DENND1B: variants seen among roughly 807,000 people sequenced by gnomAD.
DENND1B encodes DENN domain containing 1B.
A neutral mutation model predicts 90.1 loss-of-function variants in DENND1B; 59 were observed. The observed-to-expected ratio is 0.65, with a 90% CI of 0.53 to 0.81. The LOEUF is 0.81. Ranked by LOEUF, DENND1B falls within the 40% of genes least tolerant of loss-of-function variation. The pLI, the probability that DENND1B is intolerant of heterozygous loss-of-function variation, is 0.00. For missense variants in DENND1B, 862 were observed against 912.6 expected (o/e 0.94, Z 0.71); for synonymous variants, 337 against 324.6 (o/e 1.04, Z -0.41).
chr1:197,768,370 T>C (rs1364103356), intron 2 of DENND1B, among the ~76,000 whole-genome samples: 1 of 152,168 alleles, frequency 6.6e-6, no homozygotes, highest in Non-Finnish European at 1.5e-5. Context: ...AGAAGAGAAA[T>C]GCTTAGAGGC....
At chr1:197,571,512 G>T (rs776732384) in intron 15 of DENND1B, among the ~76,000 whole-genome samples, 15 of 152,104 alleles carry the variant, frequency 9.9e-5, no homozygotes, top group Non-Finnish European at 2.2e-4. Flanking sequence ...TTTAGACGTA[G>T]CTTAAATATC....
At chr1:197,584,779 C>T (rs1674550452) in intron 14 of DENND1B, among the ~76,000 whole-genome samples, 1 of 151,908 alleles carries the variant, frequency 6.6e-6, no homozygotes, top group Admixed American at 6.6e-5. Context: ...TCAGGTGATC[C>T]TCCCACCTCA....
At chr1:197,562,068 C>T (rs1672214313) in intron 15 of DENND1B, among the ~76,000 whole-genome samples, 1 of 151,780 alleles carries the variant, frequency 6.6e-6, no homozygotes, top group Non-Finnish European at 1.5e-5. Flanking sequence ...GTAATCCTAC[C>T]CTCACCTCTG....
intron 18 of DENND1B, 109 bp downstream of exon 18, chr1:197,545,813 A>T (rs974211733): frequency 2.7e-5 from 25 of 917,286 alleles, no homozygotes; most frequent in Non-Finnish European, 3.9e-5. Context: ...ATTTTTTTTT[A>T]GGTTTATTTA....
chr1:197,613,051 T>A (rs1677318484), intron 11 of DENND1B, among the ~76,000 whole-genome samples: 1 of 150,868 alleles, frequency 6.6e-6, no homozygotes, highest in Non-Finnish European at 1.5e-5. Context: ...CTTTGTGCTC[T>A]ATTATGACAC....
chr1:197,558,011 T>C (rs560573907), intron 15 of DENND1B, among the ~76,000 whole-genome samples: 1 of 151,986 alleles, frequency 6.6e-6, no homozygotes, highest in Non-Finnish European at 1.5e-5. Context: ...CTACAGGTAA[T>C]TGGAAGACAT....
At chr1:197,746,506 T>C (rs1176957343) in intron 2 of DENND1B, among the ~76,000 whole-genome samples, 1 of 152,166 alleles carries the variant, frequency 6.6e-6, no homozygotes, top group African/African-American at 2.4e-5. Flanking sequence ...CAAAATTCTA[T>C]CCTATTTTTC....
chr1:197,678,686 A>G (rs1656337198), intron 3 of DENND1B, among the ~76,000 whole-genome samples: 1 of 152,198 alleles, frequency 6.6e-6, no homozygotes, highest in Non-Finnish European at 1.5e-5. Flanking sequence ...AATGCATTTT[A>G]TAGGGAGAAT....
upstream of DENND1B, among the ~76,000 whole-genome samples, chr1:197,777,547 A>G (rs1657329793): frequency 6.6e-6 from 1 of 152,202 alleles, no homozygotes; most frequent in Non-Finnish European, 1.5e-5. Flanking sequence ...TTACCTTGGT[A>G]ATAGCTTTAA....
intron 20 of DENND1B, among the ~76,000 whole-genome samples, chr1:197,516,334 T>C (rs1221187431): frequency 6.6e-6 from 1 of 151,812 alleles, no homozygotes; most frequent in Non-Finnish European, 1.5e-5. Context: ...GAACTGCAGT[T>C]TATATATAAG....
chr1:197,730,218 T>C (rs1169567304), intron 2 of DENND1B, among the ~76,000 whole-genome samples: 1 of 152,122 alleles, frequency 6.6e-6, no homozygotes, highest in African/African-American at 2.4e-5. Flanking sequence ...ATAGTCCCTT[T>C]TTACAGGTAG....
intron 2 of DENND1B, among the ~76,000 whole-genome samples, chr1:197,739,448 A>T (rs1364754204): frequency 1.3e-5 from 2 of 152,226 alleles, no homozygotes; most frequent in African/African-American, 4.8e-5. Context: ...TATTCTCTGG[A>T]ATTACATTAT....
At chr1:197,622,336 A>C (rs567208718) in intron 10 of DENND1B, among the ~76,000 whole-genome samples, 44 of 151,516 alleles carry the variant, frequency 2.9e-4, no homozygotes, top group African/African-American at 8.7e-4. Flanking sequence ...GACAAAGTTC[A>C]ACCAACTGCC....
chr1:197,538,656 ATTTTTT>A (rs67761711), intron 20 of DENND1B, among the ~76,000 whole-genome samples: 11 of 105,882 alleles, frequency 1.0e-4, no homozygotes, highest in Non-Finnish European at 1.1e-4. Flanking sequence ...AATTAATGGG[ATTTTTT>A]TTTTTTTTTT....
intron 16 of DENND1B, among the ~76,000 whole-genome samples, chr1:197,550,251 G>C (rs1207492642): frequency 6.6e-6 from 1 of 152,062 alleles, no homozygotes; most frequent in Non-Finnish European, 1.5e-5. Flanking sequence ...AAAGGGTTAA[G>C]TATTACTCTT....
At chr1:197,553,215 C>T (rs890835189) in intron 15 of DENND1B, 103 bp from the exon 16 acceptor site, 3 of 860,484 alleles carry the variant, frequency 3.5e-6, no homozygotes, top group Admixed American at 3.5e-5. Flanking sequence ...ACATCAAAAA[C>T]ATTAATAACA....
intron 13 of DENND1B, among the ~76,000 whole-genome samples, chr1:197,604,394 A>G (rs1221141186): frequency 6.6e-6 from 1 of 151,260 alleles, no homozygotes; most frequent in Non-Finnish European, 1.5e-5. Flanking sequence ...TAGTATTTCT[A>G]ACAGTCAATA....
chr1:197,573,841 T>C lies in DENND1B; in HGVS notation c.1149+9311A>G, dbSNP rs528400079. Among the ~76,000 whole-genome samples, 4 of 152,166 alleles carry C rather than the reference T, an allele frequency of 2.6e-5. No homozygotes were observed. The South Asian group carries it at 8.3e-4, about 32-fold the overall frequency. On this transcript the variant is annotated intron_variant, in intron 15 of 22. Coordinates refer to ENST00000620048, the MANE Select transcript of DENND1B (RefSeq NM_001195215.2). Reference sequence around the variant, plus strand: ...TAATCCATCACATAAACAGAACCAATGAGAGAAACCACATGATCATCTCAA... The same window carrying C: ...TAATCCATCACATAAACAGAACCAACGAGAGAAACCACATGATCATCTCAA...
chr1:197,510,882 T>C lies in DENND1B; in HGVS notation c.1906A>G (p.Ser636Gly). 1 of 1,608,762 alleles carries C rather than the reference T, an allele frequency of 6.2e-7. No homozygotes were observed. Among genetic ancestry groups the C allele is most frequent in the African/African-American group, 1.3e-5 (1 of 74,750 alleles). ...GGGAGGTGTTTGCCATGGAGGGCAC[T>C]ATCGTCTTGCCCAAGATTCCACTCT... ...QAEWNLGQDDSALHGKHLPPS... is the reference protein window; with the variant it reads ...QAEWNLGQDDGALHGKHLPPS... The change falls in exon 23 of 23, where the codon AGT (serine) becomes GGT (glycine). Residue 636 changes from serine (S) to glycine (G), a missense_variant. Transcript: ENST00000620048.
Sources: gnomAD v4.1 joint callset for allele counts (sites outside exome capture counted in the v4.1 genomes callset) on GRCh38, gnomAD v4.1.1 for gene constraint, MANE v1.5 for transcripts, NCBI Gene and HGNC (gene_info 2026-07-23, HGNC 2026-07-21) for gene names.